COL28A1: variants seen among roughly 807,000 people sequenced by gnomAD.
COL28A1 encodes the protein collagen type XXVIII alpha 1 chain.
In COL28A1, 161 loss-of-function variants were observed where a neutral mutation model predicts 150.2. That is an observed-to-expected ratio of 1.07 (90% CI 0.94 to 1.22). The LOEUF is 1.22. Ranked by LOEUF, COL28A1 falls within the 50% of genes most tolerant of loss-of-function variation. The pLI is 0.00. For missense variants in COL28A1, 1,617 were observed against 1,388.3 expected (o/e 1.16, Z -2.62); for synonymous variants, 552 against 469.7 (o/e 1.18, Z -2.26).
At chr7:7,350,025 T>C in the COL28A1 span, among the ~76,000 whole-genome samples, 1 of 152,260 alleles carries the variant, frequency 6.6e-6, no homozygotes, top group South Asian at 2.1e-4. Context: ...ACCTTGAATA[T>C]GATGCTAAAA....
the COL28A1 span, among the ~76,000 whole-genome samples, chr7:7,541,126 C>T: frequency 6.6e-6 from 1 of 152,086 alleles, no homozygotes; most frequent in South Asian, 2.1e-4. Flanking sequence ...TATATTAAGC[C>T]GTTACAATGC....
intron 13 of COL28A1, among the ~76,000 whole-genome samples, chr7:7,486,782 G>T (rs983131840): frequency 3.3e-5 from 5 of 152,108 alleles, no homozygotes; most frequent in African/African-American, 4.8e-5. Flanking sequence ...GCATCCACAG[G>T]ATAAACCCCA....
At chr7:7,522,095 T>C (rs1781759464) in intron 4 of COL28A1, 134 bp from the exon 5 acceptor site, 5 of 708,132 alleles carry the variant, frequency 7.1e-6, no homozygotes, top group Non-Finnish European at 1.3e-5. Flanking sequence ...TTGTATTCAG[T>C]ATATAACCAA....
intron 9 of COL28A1, among the ~76,000 whole-genome samples, chr7:7,508,485 T>A (rs756789918): frequency 8.5e-5 from 13 of 152,204 alleles, no homozygotes; most frequent in Non-Finnish European, 1.9e-4. Context: ...TTGTCTCTCA[T>A]GCCATATATA....
intron 15 of COL28A1, among the ~76,000 whole-genome samples, chr7:7,473,610 G>C (rs1341157009): frequency 6.6e-6 from 1 of 152,160 alleles, no homozygotes. Flanking sequence ...AGTACAACCA[G>C]TATGGAAAAC....
intron 15 of COL28A1, among the ~76,000 whole-genome samples, chr7:7,457,774 A>C (rs148418805): frequency 1.1e-4 from 16 of 152,344 alleles, no homozygotes; most frequent in African/African-American, 3.1e-4. Flanking sequence ...CAAGAAGGTG[A>C]GGGATCCATC....
chr7:7,465,129 C>A (rs1038722802), intron 15 of COL28A1, among the ~76,000 whole-genome samples: 1 of 150,832 alleles, frequency 6.6e-6, no homozygotes, highest in Non-Finnish European at 1.5e-5. Flanking sequence ...GGAACAGCTC[C>A]GGTCTACAGC....
intron 30 of COL28A1, among the ~76,000 whole-genome samples, chr7:7,379,608 C>G (rs745391746): frequency 6.6e-6 from 1 of 152,132 alleles, no homozygotes; most frequent in Non-Finnish European, 1.5e-5. Flanking sequence ...TATTTTGGAG[C>G]CTGATCCAGA....
rs564895853 is a variant in COL28A1, at chr7:7,505,528, A to T, written c.1026+486T>A. 7.2e-5 allele frequency among the ~76,000 whole-genome samples: 11 copies of T among 152,214 alleles called. No homozygotes were observed. The East Asian group carries it at 2.1e-3, about 29-fold the overall frequency. ...CCCTCCCTATTTGTCTTGGCTGGTTATCTGTGGACTGATACTACAAGCATG... is the reference window on the plus strand; with the variant it reads ...CCCTCCCTATTTGTCTTGGCTGGTTTTCTGTGGACTGATACTACAAGCATG... On this transcript the variant is annotated intron_variant, in intron 11 of 34. Transcript: ENST00000399429.
chr7:7,423,495 A>C lies in COL28A1; in HGVS notation c.1999-3542T>G, dbSNP rs1328125096. Among the ~76,000 whole-genome samples, 3 of 152,190 alleles carry C rather than the reference A, an allele frequency of 2.0e-5. 1 individual carries two copies. ...GCAAAGGGGAGGAGCACACAGGTAGATTCAACATCATTAGAATTTACATCT... is the reference window on the plus strand; with the variant it reads ...GCAAAGGGGAGGAGCACACAGGTAGCTTCAACATCATTAGAATTTACATCT... On this transcript the variant is annotated intron_variant, in intron 25 of 34. Coordinates refer to ENST00000399429, the MANE Select transcript of COL28A1 (RefSeq NM_001037763.3).
At chr7:7,463,025 C>G (rs372213078) in intron 15 of COL28A1, among the ~76,000 whole-genome samples, 12 of 151,910 alleles carry the variant, frequency 7.9e-5, no homozygotes, top group African/African-American at 2.4e-4. Context: ...TCCAAGAAAT[C>G]TGGGATTATG....
At chr7:7,418,811 C>T (rs1338504184) in intron 26 of COL28A1, among the ~76,000 whole-genome samples, 1 of 152,036 alleles carries the variant, frequency 6.6e-6, no homozygotes, top group East Asian at 1.9e-4. Context: ...TTCCCATCAC[C>T]CAGTGATAAT....
intron 2 of COL28A1, among the ~76,000 whole-genome samples, 190 bp downstream of exon 2, chr7:7,532,562 T>C (rs1348831375): frequency 6.6e-6 from 1 of 152,118 alleles, no homozygotes; most frequent in Non-Finnish European, 1.5e-5. Flanking sequence ...AGTGCACAAG[T>C]GCTCTTATTA....
At chr7:7,516,834 T>C (rs1219102946) in intron 7 of COL28A1, among the ~76,000 whole-genome samples, 2 of 152,138 alleles carry the variant, frequency 1.3e-5, no homozygotes. Flanking sequence ...CCTTAAGTGA[T>C]CTTTGCACCT....
upstream of COL28A1, among the ~76,000 whole-genome samples, chr7:7,537,248 A>C (rs898770824): frequency 1.3e-5 from 2 of 152,094 alleles, no homozygotes; most frequent in Non-Finnish European, 2.9e-5. Flanking sequence ...GGGCACTCAT[A>C]CACCCACCCA....
intron 13 of COL28A1, among the ~76,000 whole-genome samples, chr7:7,488,387 T>C (rs1373606709): frequency 6.6e-6 from 1 of 152,212 alleles, no homozygotes; most frequent in Non-Finnish European, 1.5e-5. Context: ...GAAGTGTATG[T>C]TTCTGTGAAT....
intron 25 of COL28A1, among the ~76,000 whole-genome samples, chr7:7,426,168 T>TA (rs1390336443): frequency 6.6e-6 from 1 of 152,210 alleles, no homozygotes; most frequent in Non-Finnish European, 1.5e-5. Context: ...AATGGTACTC[T>TA]AAAGATTCTG....
At chr7:7,400,435 T>C (rs1474988993) in intron 27 of COL28A1, among the ~76,000 whole-genome samples, 1 of 152,210 alleles carries the variant, frequency 6.6e-6, no homozygotes, top group Non-Finnish European at 1.5e-5. Flanking sequence ...CCAAGGAATA[T>C]GAGGAATGTG....
chr7:7,367,990 C>T (rs767093292), intron 33 of COL28A1, among the ~76,000 whole-genome samples: 1 of 151,986 alleles, frequency 6.6e-6, no homozygotes, highest in Non-Finnish European at 1.5e-5. Context: ...AATGGCTTTT[C>T]AATCTGTGCC....
Sources: gnomAD v4.1 joint callset for allele counts (sites outside exome capture counted in the v4.1 genomes callset) on GRCh38, gnomAD v4.1.1 for gene constraint, MANE v1.5 for transcripts, NCBI Gene and HGNC (gene_info 2026-07-23, HGNC 2026-07-21) for gene names.